Variants in RHOU observed in about 807,000 individuals in gnomAD.
The protein encoded by RHOU is rho-related GTP-binding protein RhoU.
RHOU carries 8 observed loss-of-function variants against 12.6 expected under a neutral mutation model. The ratio of observed to expected loss-of-function variants is 0.64; its 90% CI spans 0.37 to 1.15. The LOEUF is 1.15. Among genes scored for constraint, RHOU ranks in the 50% most tolerant of loss-of-function variants. The probability of loss-of-function intolerance (pLI) is 0.01; values close to 1 mark genes in which losing one functional copy is unlikely to be tolerated. For missense variants in RHOU, 258 were observed against 347.0 expected, an observed-to-expected ratio of 0.74 and a Z score of 2.04; for synonymous variants, 161 against 147.4, an observed-to-expected ratio of 1.09 and a Z score of -0.67.
At chr1:228,680,955 T>A in the RHOU span, among the ~76,000 whole-genome samples, 2 of 152,158 alleles carry the variant, frequency 1.3e-5, no homozygotes, top group Non-Finnish European at 2.9e-5. Flanking sequence ...TTCCTGGAGG[T>A]CTGGCTCATG....
the RHOU span, among the ~76,000 whole-genome samples, chr1:228,680,057 A>G: frequency 1.8e-4 from 27 of 152,330 alleles, no homozygotes; most frequent in Non-Finnish European, 2.9e-4. Flanking sequence ...GTCATAATCC[A>G]CAACAGTTAT....
the RHOU span, among the ~76,000 whole-genome samples, chr1:228,666,053 G>T: frequency 6.6e-5 from 10 of 151,892 alleles, no homozygotes; most frequent in Non-Finnish European, 1.5e-4. Context: ...TGCCTCCCGG[G>T]TTCAAGTGAT....
At chr1:228,729,151 C>A in the RHOU span, among the ~76,000 whole-genome samples, 1 of 152,114 alleles carries the variant, frequency 6.6e-6, no homozygotes, top group Admixed American at 6.5e-5. Flanking sequence ...GCCTGGGCCT[C>A]TCAAAGTGCT....
chr1:228,685,149 C>T, the RHOU span, among the ~76,000 whole-genome samples: 7 of 152,252 alleles, frequency 4.6e-5, 1 homozygote, highest in Admixed American at 6.5e-5. Context: ...TGAGGATGAC[C>T]AGAGGTCACT....
the RHOU span, among the ~76,000 whole-genome samples, chr1:228,647,424 G>A: frequency 6.6e-6 from 1 of 152,200 alleles, no homozygotes. Context: ...GAGTTGACAC[G>A]AAGTGCGGGG....
At chr1:228,710,544 A>AACCATCTC in the RHOU span, among the ~76,000 whole-genome samples, 72 of 152,344 alleles carry the variant, frequency 4.7e-4, no homozygotes, top group Non-Finnish European at 8.1e-4. Context: ...ATATAAACAG[A>AACCATCTC]ACCAAAGATA....
upstream of RHOU, among the ~76,000 whole-genome samples, chr1:228,731,042 A>G (rs1374299376): frequency 6.6e-6 from 1 of 152,242 alleles, no homozygotes; most frequent in Admixed American, 6.5e-5. Context: ...AAAACTACAA[A>G]TTCACTATTA....
At chr1:228,729,003 C>T in the RHOU span, among the ~76,000 whole-genome samples, 2 of 151,674 alleles carry the variant, frequency 1.3e-5, no homozygotes, top group Non-Finnish European at 2.9e-5. Flanking sequence ...TCAAGCGATT[C>T]TTCTACCTTA....
At chr1:228,692,152 AT>A in the RHOU span, among the ~76,000 whole-genome samples, 1 of 152,222 alleles carries the variant, frequency 6.6e-6, no homozygotes, top group African/African-American at 2.4e-5. Flanking sequence ...TGCCCAAGAT[AT>A]TTTAAATTCA....
At chr1:228,653,039 T>C in the RHOU span, among the ~76,000 whole-genome samples, 1 of 152,224 alleles carries the variant, frequency 6.6e-6, no homozygotes, top group Non-Finnish European at 1.5e-5. Flanking sequence ...AAGATACAAT[T>C]GGAAATATTG....
upstream of RHOU, among the ~76,000 whole-genome samples, chr1:228,731,293 A>G (rs1279163569): frequency 6.6e-6 from 1 of 152,202 alleles, no homozygotes; most frequent in African/African-American, 2.4e-5. Context: ...TGAAACACCA[A>G]TTTGTTTGGT....
the RHOU span, among the ~76,000 whole-genome samples, chr1:228,675,973 A>G: frequency 1.3e-5 from 2 of 152,168 alleles, no homozygotes; most frequent in South Asian, 4.1e-4. Context: ...AGAGGCCATT[A>G]CAAAAGTTAT....
rs1662808744 is a variant in RHOU at position 228,745,449 on chromosome 1, T to C, written c.*1709T>C. The C allele has an allele frequency of 6.6e-6, 1 of 152,250 alleles. No homozygotes were observed. Among genetic ancestry groups the C allele is most frequent in the Admixed American group, 6.5e-5 (1 of 15,286 alleles). The allele number at this position is 152,250 out of a possible 1,614,324, so 9.4% of individuals were successfully genotyped here. A position where few individuals can be genotyped will look rare whatever the true frequency, so the allele number is the denominator to read the frequency against. On this transcript the variant is annotated 3_prime_UTR_variant, in exon 3 of 3. Coordinates refer to ENST00000366691, the MANE Select transcript of RHOU (RefSeq NM_021205.6). Reference sequence around the variant, plus strand: ...AAAAGAAATCCAGTTTGTGTTTTTCTATAGAAAAAGTAAAAGATCAGGTTA... The same window carrying C: ...AAAAGAAATCCAGTTTGTGTTTTTCCATAGAAAAAGTAAAAGATCAGGTTA...
the RHOU span, among the ~76,000 whole-genome samples, chr1:228,685,708 A>G: frequency 6.6e-6 from 1 of 152,336 alleles, no homozygotes; most frequent in Non-Finnish European, 1.5e-5. Flanking sequence ...AATTATATAT[A>G]GGTTAAATGT....
chr1:228,710,346 A>T, the RHOU span, among the ~76,000 whole-genome samples: 1 of 152,164 alleles, frequency 6.6e-6, no homozygotes, highest in Admixed American at 6.5e-5. Context: ...AGCCGGGCAG[A>T]GACACAACCA....
At chr1:228,661,273 T>G in the RHOU span, among the ~76,000 whole-genome samples, 1 of 152,138 alleles carries the variant, frequency 6.6e-6, no homozygotes, top group African/African-American at 2.4e-5. Flanking sequence ...AGGTAATTTA[T>G]AGATTCAATG....
chr1:228,743,286 A>T lies in RHOU; in HGVS notation c.323A>T (p.Asp108Val). ...TTTGGGTACTTTGCTTGGTTGCAGGATGAATTTGACAAGCTGAGGCCTCTC... is the reference window on the plus strand; with the variant it reads ...TTTGGGTACTTTGCTTGGTTGCAGGTTGAATTTGACAAGCTGAGGCCTCTC... ...RLQLCDTAGQDEFDKLRPLCY... is the reference protein window; with the variant it reads ...RLQLCDTAGQVEFDKLRPLCY... The change falls in exon 3 of 3, where the codon GAT becomes GTT. Residue 108 changes from aspartate to valine, a missense_variant and splice_region_variant. By Grantham distance (152) the Asp-to-Val change is radical. Coordinates refer to ENST00000366691, the MANE Select transcript of RHOU (RefSeq NM_021205.6). The surrounding 1 kb of genome is among the most constrained non-coding windows in gnomAD (Gnocchi z 5.1). 1 of 1,610,926 alleles carries T rather than the reference A, an allele frequency of 6.2e-7. No homozygotes were observed. Among genetic ancestry groups the T allele is most frequent in the Non-Finnish European group, 8.5e-7 (1 of 1,177,258 alleles).
the RHOU span, among the ~76,000 whole-genome samples, chr1:228,682,893 G>A: frequency 1.6e-4 from 24 of 152,196 alleles, no homozygotes; most frequent in African/African-American, 5.8e-4. Context: ...GACACAGAGA[G>A]GTTGAGTCAG....
the RHOU span, among the ~76,000 whole-genome samples, chr1:228,686,207 A>G: frequency 6.6e-6 from 1 of 152,228 alleles, no homozygotes; most frequent in Non-Finnish European, 1.5e-5. Context: ...TAAAATAAAA[A>G]TAACTAACTC....
Sources: allele counts gnomAD v4.1 joint callset (sites outside exome capture counted in the v4.1 genomes callset), GRCh38; gene constraint gnomAD v4.1.1; non-coding constraint Gnocchi (gnomAD v3.1); transcripts MANE v1.5; gene names NCBI Gene and HGNC (gene_info 2026-07-23, HGNC 2026-07-21).